Variants in ANOS1 observed in about 807,000 individuals in gnomAD.
The protein encoded by ANOS1 is anosmin 1.
In ANOS1, 6 loss-of-function variants were observed where a neutral mutation model predicts 59.0. The observed-to-expected ratio is 0.10, with a 90% CI of 0.06 to 0.20. The LOEUF is 0.20. Among genes scored for constraint, ANOS1 ranks in the 10% least tolerant of loss-of-function variants. The pLI, the probability that ANOS1 is intolerant of heterozygous loss-of-function variation, is 1.00. For missense variants in ANOS1, 433 were observed against 542.3 expected (o/e 0.80, Z 2.00); for synonymous variants, 217 against 223.4 (o/e 0.97, Z 0.25).
chrX:8,710,237 C>T (rs1323324578), intron 1 of ANOS1, among the ~76,000 whole-genome samples: 1 of 111,846 alleles, frequency 8.9e-6, no homozygotes, highest in Non-Finnish European at 1.9e-5. Context: ...GCCGTGTTAT[C>T]TTATAAATTT....
Position 8,674,711 on chromosome X carries a change from G to A in ANOS1, c.255+24987C>T, listed in dbSNP as rs1353990611. 3.6e-5 allele frequency among the ~76,000 whole-genome samples: 4 copies of A among 112,598 alleles called. 1 individual carries two copies. The East Asian group carries it at 8.4e-4, about 24-fold the overall frequency. ...GGCCCAAGGGCCATGGGTTGGACACGCTTGCTTTAAGATCTTAGGGAAACA... is the reference window on the plus strand; with the variant it reads ...GGCCCAAGGGCCATGGGTTGGACACACTTGCTTTAAGATCTTAGGGAAACA... On this transcript the variant is annotated intron_variant, in intron 2 of 13. Transcript: ENST00000262648.
Position 8,619,070 on chromosome X carries a change from C to CAAAAAAAAA in ANOS1, c.318+4529_318+4537dup, listed in dbSNP as rs1164164251. 4.5e-3 allele frequency among the ~76,000 whole-genome samples: 197 copies of CAAAAAAAAA among 43,948 alleles called. 1 individual carries two copies. The highest frequency in any genetic ancestry group is 6.8e-3 in the Non-Finnish European group (171 of 25,209). 38.2% of individuals were successfully genotyped at this position (43,948 alleles called of 115,157 possible). A position where few individuals can be genotyped will look rare whatever the true frequency, so the allele number is the denominator to read the frequency against. ...CCTGGGCGACAGAGCAAACCTCTCT[C>CAAAAAAAAA]AAAAAAAAAAAAAAAAAAAAAAAAA... On this transcript the variant is annotated intron_variant, in intron 3 of 13. Coordinates refer to ENST00000262648, the MANE Select transcript of ANOS1 (RefSeq NM_000216.4).
At chrX:8,573,056 A>ATT (rs34564264) in intron 6 of ANOS1, among the ~76,000 whole-genome samples, 2,081 of 81,143 alleles carry the variant, frequency 0.026, 145 homozygotes, top group African/African-American at 0.1. Context: ...ACTCTACTGG[A>ATT]TTTTTTTTTT....
chrX:8,601,658 T>C (rs1390130181), intron 3 of ANOS1, among the ~76,000 whole-genome samples: 1 of 111,954 alleles, frequency 8.9e-6, no homozygotes, highest in African/African-American at 3.2e-5. Context: ...GGTAAGGACA[T>C]AGAAACACAT....
chrX:8,573,880 A>AGTG (rs754423731), intron 6 of ANOS1, among the ~76,000 whole-genome samples: 1 of 111,934 alleles, frequency 8.9e-6, no homozygotes, highest in Admixed American at 9.5e-5. Flanking sequence ...CTACCTTCAA[A>AGTG]GTGTAACAGG....
chrX:8,666,575 C>G lies in ANOS1; in HGVS notation c.255+33123G>C, dbSNP rs1932141099. On this transcript the variant is annotated intron_variant, in intron 2 of 13. Coordinates refer to ENST00000262648, the MANE Select transcript of ANOS1 (RefSeq NM_000216.4). ...AACTTTCAATGTGTTGAAGCATCTT[C>G]TTAGTTGGTTACAATGAACACTGAA... Among the ~76,000 whole-genome samples the G allele has an allele frequency of 2.7e-5, 3 of 111,977 alleles. No individual in the cohort carries two copies. The Admixed American group carries it at 2.9e-4, about 11-fold the overall frequency.
chrX:8,663,327 T>C (rs999726611), intron 2 of ANOS1, among the ~76,000 whole-genome samples: 1 of 112,069 alleles, frequency 8.9e-6, no homozygotes, highest in African/African-American at 3.2e-5. Context: ...TTTGGATTTT[T>C]TTTTCATCAT....
At chrX:8,730,672 GA>G (rs1427484709) in intron 1 of ANOS1, among the ~76,000 whole-genome samples, 1 of 107,780 alleles carries the variant, frequency 9.3e-6, no homozygotes, top group African/African-American at 3.4e-5. Flanking sequence ...CCAGCCAGGG[GA>G]ACCCCTCCCC....
intron 3 of ANOS1, among the ~76,000 whole-genome samples, chrX:8,614,662 T>A (rs1467044097): frequency 2.7e-5 from 3 of 110,697 alleles, no homozygotes; most frequent in African/African-American, 6.6e-5. Context: ...TCAAAAAAAA[T>A]TTTTTTACTT....
chrX:8,570,473 C>T (rs1430321048), intron 7 of ANOS1, 26 bp downstream of exon 7: 6 of 1,169,785 alleles, frequency 5.1e-6, no homozygotes, highest in African/African-American at 1.8e-5. Context: ...GTGGGAATAA[C>T]AATCCTTCCT....
At position 8,554,015 on chromosome X, in the gene ANOS1, C is replaced by T. The variant is rs1483126352; in HGVS notation, c.1291G>A (p.Val431Ile). 1 of 1,206,788 alleles carries T rather than the reference C, an allele frequency of 8.3e-7. No homozygotes were observed. The highest frequency in any genetic ancestry group is 1.1e-6 in the Non-Finnish European group (1 of 892,049). ...QRRRPTRPLE[V>I]GAPFYQDGQL... is the part of the protein sequence containing the mutation. ...CCATCCTGATAGAAGGGAGCTCCGACTTCCAGCGGGCGAGTGGGTCGTCGT... is the reference window on the plus strand; with the variant it reads ...CCATCCTGATAGAAGGGAGCTCCGATTTCCAGCGGGCGAGTGGGTCGTCGT... The change falls in exon 9 of 14, where the codon GTC (valine) becomes ATC (isoleucine). Residue 431 changes from valine to isoleucine, a missense_variant. Coordinates refer to ENST00000262648, the MANE Select transcript of ANOS1 (RefSeq NM_000216.4).
intron 3 of ANOS1, among the ~76,000 whole-genome samples, chrX:8,613,870 A>G (rs1931111936): frequency 8.9e-6 from 1 of 112,301 alleles, no homozygotes; most frequent in Non-Finnish European, 1.9e-5. Flanking sequence ...CTTGCTACTC[A>G]AAGGCTAGGC....
intron 2 of ANOS1, among the ~76,000 whole-genome samples, chrX:8,663,237 C>A (rs1318341351): frequency 9.0e-6 from 1 of 111,386 alleles, no homozygotes; most frequent in African/African-American, 3.3e-5. Context: ...TACTTTATCA[C>A]AGCAGCCTGA....
intron 6 of ANOS1, among the ~76,000 whole-genome samples, chrX:8,580,958 G>C (rs1407692849): frequency 9.0e-6 from 1 of 111,702 alleles, no homozygotes; most frequent in Non-Finnish European, 1.9e-5. Flanking sequence ...TAAACCACTG[G>C]AAGACTGGCA....
intron 2 of ANOS1, among the ~76,000 whole-genome samples, chrX:8,649,538 G>A (rs1034161796): frequency 1.8e-5 from 2 of 111,692 alleles, no homozygotes; most frequent in East Asian, 5.6e-4. Context: ...GTTGCCATAC[G>A]CCTTATTATC....
At chrX:8,545,860 C>G (rs1207657360) in intron 9 of ANOS1, among the ~76,000 whole-genome samples, 1 of 112,268 alleles carries the variant, frequency 8.9e-6, no homozygotes, top group Non-Finnish European at 1.9e-5. Context: ...GAGCAAGATT[C>G]TTTTCTTCCC....
At chrX:8,676,048 T>A (rs751824810) in intron 2 of ANOS1, among the ~76,000 whole-genome samples, 33 of 111,275 alleles carry the variant, frequency 3.0e-4, no homozygotes, top group African/African-American at 1.0e-3. Flanking sequence ...TTTTCATTTT[T>A]ATGGCTGCAT....
rs1932589031 is a variant in ANOS1 at position 8,690,439 on chromosome X, T to C, written c.255+9259A>G. ...AGTATTGCAACAGGTCTAAAGTATC[T>C]AAACATTTAAAATTTTGATCCACTA... On this transcript the variant is annotated intron_variant, in intron 2 of 13. Coordinates refer to ENST00000262648, the MANE Select transcript of ANOS1 (RefSeq NM_000216.4). Among the ~76,000 whole-genome samples the C allele has an allele frequency of 2.7e-5, 3 of 112,176 alleles. No homozygotes were observed. The Admixed American group carries it at 2.8e-4, about 11-fold the overall frequency.
At chrX:8,554,611 C>A (rs1929920123) in intron 8 of ANOS1, among the ~76,000 whole-genome samples, 2 of 97,559 alleles carry the variant, frequency 2.1e-5, no homozygotes, top group South Asian at 1.0e-3. Context: ...CTCTGTCGCC[C>A]AACAAAGATC....
Sources: gnomAD v4.1 joint callset for allele counts (sites outside exome capture counted in the v4.1 genomes callset) on GRCh38, gnomAD v4.1.1 for gene constraint, MANE v1.5 for transcripts, NCBI Gene and HGNC (gene_info 2026-07-23, HGNC 2026-07-21) for gene names.